The following CSMD1 variants were observed in gnomAD, a reference collection of about 807,000 sequenced individuals.
CSMD1 encodes CUB and sushi domain-containing protein 1.
Under a neutral mutation model 417.5 loss-of-function variants are expected in CSMD1, and 213 were observed. That is an observed-to-expected ratio of 0.51 (90% CI 0.46 to 0.57). CSMD1 has a LOEUF of 0.57. Among genes scored for constraint, CSMD1 ranks in the 20% least tolerant of loss-of-function variants. The pLI, the probability that CSMD1 is intolerant of heterozygous loss-of-function variation, is 0.00. For missense variants in CSMD1, 6,923 were observed against 4,529.7 expected (o/e 1.53, Z -15.17); for synonymous variants, 2,862 against 1,736.8 (o/e 1.65, Z -16.11).
At chr8:3,388,051 G>A (rs896365298) in intron 17 of CSMD1, among the ~76,000 whole-genome samples, 2 of 152,064 alleles carry the variant, frequency 1.3e-5, no homozygotes, top group African/African-American at 4.8e-5. Context: ...TCTTATATAT[G>A]TATTAAATAT....
chr8:4,968,802 A>G (rs1398089867), intron 1 of CSMD1, among the ~76,000 whole-genome samples: 2 of 152,290 alleles, frequency 1.3e-5, no homozygotes, highest in African/African-American at 4.8e-5. Flanking sequence ...AAAGTCTGGC[A>G]GTTGCATCTC....
chr8:3,334,480 T>A (rs1807115533), intron 23 of CSMD1, among the ~76,000 whole-genome samples: 1 of 152,236 alleles, frequency 6.6e-6, no homozygotes, highest in Admixed American at 6.5e-5. Flanking sequence ...AGCCACTCTG[T>A]CATTTATAAT....
At chr8:3,335,893 G>C (rs933757286) in intron 23 of CSMD1, among the ~76,000 whole-genome samples, 2 of 152,112 alleles carry the variant, frequency 1.3e-5, no homozygotes, top group Non-Finnish European at 2.9e-5. Flanking sequence ...AAGAGCAGAA[G>C]GTAGAAACCT....
chr8:3,452,631 G>A (rs541788983), intron 12 of CSMD1, among the ~76,000 whole-genome samples: 6 of 152,266 alleles, frequency 3.9e-5, no homozygotes, highest in East Asian at 3.9e-4. Context: ...ATTGATTTGG[G>A]TATGTTGAAT....
At chr8:3,762,490 G>C (rs888430706) in intron 5 of CSMD1, among the ~76,000 whole-genome samples, 41 of 152,186 alleles carry the variant, frequency 2.7e-4, no homozygotes, top group African/African-American at 9.4e-4. Context: ...CTGTGCTTTG[G>C]TCAGATAGGC....
chr8:3,699,408 G>C (rs1343492393), intron 7 of CSMD1, among the ~76,000 whole-genome samples: 4 of 152,108 alleles, frequency 2.6e-5, no homozygotes, highest in African/African-American at 7.2e-5. Flanking sequence ...TTTTGATAAT[G>C]GGCACAGTTT....
chr8:4,056,683 C>G (rs976985182), intron 3 of CSMD1, among the ~76,000 whole-genome samples: 2 of 151,900 alleles, frequency 1.3e-5, no homozygotes, highest in Non-Finnish European at 2.9e-5. Flanking sequence ...TATCCCTCCC[C>G]ACTCCCCCCA....
intron 8 of CSMD1, among the ~76,000 whole-genome samples, chr8:3,593,792 A>C (rs73660323): frequency 6.6e-6 from 1 of 152,044 alleles, no homozygotes; most frequent in African/African-American, 2.4e-5. Context: ...CTTATTATAT[A>C]TGGGTCATTC....
chr8:3,389,667 T>C (rs1027003914), intron 17 of CSMD1, among the ~76,000 whole-genome samples: 1 of 105,382 alleles, frequency 9.5e-6, no homozygotes, highest in Non-Finnish European at 1.9e-5. Context: ...TATATATTAA[T>C]GGTTTTAATA....
chr8:3,261,611 G>C (rs192130902), intron 26 of CSMD1, among the ~76,000 whole-genome samples: 1 of 152,088 alleles, frequency 6.6e-6, no homozygotes, highest in Admixed American at 6.6e-5. Context: ...GTCCTTCGGC[G>C]GTGAGTGATT....
intron 1 of CSMD1, among the ~76,000 whole-genome samples, chr8:4,858,893 T>G (rs888445431): frequency 6.6e-6 from 1 of 150,642 alleles, no homozygotes; most frequent in Non-Finnish European, 1.5e-5. Context: ...AATGACTTTC[T>G]TCACAGAATT....
At chr8:3,329,200 G>A (rs1319156304) in intron 23 of CSMD1, among the ~76,000 whole-genome samples, 6 of 152,116 alleles carry the variant, frequency 3.9e-5, no homozygotes, top group Admixed American at 3.3e-4. Flanking sequence ...CCTTGTTTTA[G>A]GATATTATCA....
intron 1 of CSMD1, among the ~76,000 whole-genome samples, chr8:4,969,813 T>C (rs947673490): frequency 6.6e-6 from 1 of 152,048 alleles, no homozygotes; most frequent in African/African-American, 2.4e-5. Context: ...AATTTAATTG[T>C]TTTTCTCAGG....
chr8:3,961,644 T>A (rs1812332089), intron 5 of CSMD1, among the ~76,000 whole-genome samples: 1 of 152,160 alleles, frequency 6.6e-6, no homozygotes, highest in African/African-American at 2.4e-5. Flanking sequence ...TATGTAACAT[T>A]CTTGATAATA....
At chr8:4,516,620 G>C (rs182509700) in intron 2 of CSMD1, among the ~76,000 whole-genome samples, 7 of 152,024 alleles carry the variant, frequency 4.6e-5, no homozygotes, top group Admixed American at 4.6e-4. Context: ...TGCAAGCATC[G>C]CCTGATAAAA....
Position 4,264,162 on chromosome 8 carries a change from A to T in CSMD1, c.415+155791T>A, listed in dbSNP as rs191934471. On this transcript the variant is annotated intron_variant, in intron 3 of 69. Coordinates refer to ENST00000635120, the MANE Select transcript of CSMD1 (RefSeq NM_033225.6). ...AACACCTACTACTCAGCTCTTGGGCACTATGCAGAAGCTGTTATGTGGTGA... is the reference window on the plus strand; with the variant it reads ...AACACCTACTACTCAGCTCTTGGGCTCTATGCAGAAGCTGTTATGTGGTGA... Among the ~76,000 whole-genome samples the T allele has an allele frequency of 3.7e-3, 558 of 152,340 alleles. 2 individuals carry two copies. Among genetic ancestry groups the T allele is most frequent in the Admixed American group, 6.6e-3 (101 of 15,292 alleles).
chr8:3,520,063 T>C (rs1219183071), intron 10 of CSMD1, among the ~76,000 whole-genome samples: 1 of 147,928 alleles, frequency 6.8e-6, no homozygotes. Context: ...TGAAACTTGC[T>C]CCACAGTAAT....
intron 1 of CSMD1, among the ~76,000 whole-genome samples, chr8:4,943,906 G>C (rs892995445): frequency 6.6e-6 from 1 of 152,178 alleles, no homozygotes; most frequent in South Asian, 2.1e-4. Context: ...GCAGAATTGC[G>C]GTGATGGAGG....
At chr8:3,495,971 G>T (rs1048326048) in intron 10 of CSMD1, among the ~76,000 whole-genome samples, 2 of 152,108 alleles carry the variant, frequency 1.3e-5, no homozygotes, top group Non-Finnish European at 2.9e-5. Flanking sequence ...AGGTAAACAC[G>T]TGCCATGGTG....
Sources: gnomAD v4.1 joint callset for allele counts (sites outside exome capture counted in the v4.1 genomes callset) on GRCh38, gnomAD v4.1.1 for gene constraint, MANE v1.5 for transcripts, NCBI Gene and HGNC (gene_info 2026-07-23, HGNC 2026-07-21) for gene names.